Variants in GRM1 observed in about 807,000 individuals in gnomAD.
The protein encoded by GRM1 is glutamate metabotropic receptor 1.
A neutral mutation model predicts 90.9 loss-of-function variants in GRM1; 33 were observed. The ratio of observed to expected loss-of-function variants is 0.36; its 90% CI spans 0.28 to 0.49. GRM1 has a LOEUF of 0.49. GRM1 is among the 20% of genes least tolerant of loss of function. The probability of loss-of-function intolerance (pLI) is 0.99; values close to 1 mark genes in which losing one functional copy is unlikely to be tolerated. For synonymous variants in GRM1, 700 were observed against 613.2 expected (o/e 1.14, Z -2.09); for missense variants, 1,190 against 1,534.3 (o/e 0.78, Z 3.75).
intron 2 of GRM1, among the ~76,000 whole-genome samples, chr6:146,186,589 G>A (rs1403471394): frequency 6.6e-6 from 1 of 151,788 alleles, no homozygotes; most frequent in Non-Finnish European, 1.5e-5. Flanking sequence ...ACTTACTAAA[G>A]GTTAACAGTT....
In GRM1 at chr6:146,080,257, T is replaced by A. The variant is rs76279222; in HGVS notation, c.700+50040T>A. 4.0e-3 allele frequency among the ~76,000 whole-genome samples: 603 copies of A among 152,308 alleles called. 18 individuals carry two copies. In the East Asian group the frequency reaches 0.07, roughly 18 times the overall value. On this transcript the variant is annotated intron_variant, in intron 1 of 7. Transcript: ENST00000282753. ...GAATTGTGAATGTAAGAATTTTATG[T>A]ACACTAGCCTATGGGTTGCATAATA...
chr6:146,037,316 G>A (rs1276604145), intron 1 of GRM1, among the ~76,000 whole-genome samples: 1 of 151,892 alleles, frequency 6.6e-6, no homozygotes, highest in Non-Finnish European at 1.5e-5. Flanking sequence ...TAAGATAAAG[G>A]TGTAGCATCT....
At chr6:146,044,373 C>T (rs1389606656) in intron 1 of GRM1, among the ~76,000 whole-genome samples, 1 of 151,996 alleles carries the variant, frequency 6.6e-6, no homozygotes, top group Non-Finnish European at 1.5e-5. Flanking sequence ...TGTTCTCATG[C>T]ACTTCCCTGG....
At chr6:146,083,259 C>T (rs1257331161) in intron 1 of GRM1, among the ~76,000 whole-genome samples, 2 of 152,150 alleles carry the variant, frequency 1.3e-5, no homozygotes, top group Non-Finnish European at 2.9e-5. Context: ...GCCAGAACTT[C>T]CAATACTATG....
chr6:146,429,685 A>C (rs1215643084), intron 7 of GRM1, among the ~76,000 whole-genome samples: 1 of 151,998 alleles, frequency 6.6e-6, no homozygotes, highest in Non-Finnish European at 1.5e-5. Flanking sequence ...TAGCTGCGGG[A>C]GCCAGAGCAG....
chr6:146,227,109 C>A (rs955665661), intron 2 of GRM1, among the ~76,000 whole-genome samples: 1 of 151,956 alleles, frequency 6.6e-6, no homozygotes, highest in Non-Finnish European at 1.5e-5. Context: ...GCAATTATAT[C>A]AATTTTATAT....
At chr6:146,307,831 G>A (rs536003417) in intron 3 of GRM1, among the ~76,000 whole-genome samples, 1 of 152,234 alleles carries the variant, frequency 6.6e-6, no homozygotes, top group East Asian at 1.9e-4. Flanking sequence ...GAGTTTATGT[G>A]CACTAGATTG....
At chr6:146,207,121 C>T (rs1413432684) in intron 2 of GRM1, among the ~76,000 whole-genome samples, 1 of 152,126 alleles carries the variant, frequency 6.6e-6, no homozygotes, top group Non-Finnish European at 1.5e-5. Context: ...CATTCATGTG[C>T]ATGTGTCTTT....
At chr6:146,244,817 T>C (rs1160136764) in intron 2 of GRM1, among the ~76,000 whole-genome samples, 2 of 152,188 alleles carry the variant, frequency 1.3e-5, no homozygotes, top group Non-Finnish European at 2.9e-5. Context: ...TTACTCAGTT[T>C]GGGAAATAGA....
chr6:146,401,394 G>T (rs1384987650), intron 7 of GRM1, among the ~76,000 whole-genome samples: 2 of 151,960 alleles, frequency 1.3e-5, no homozygotes, highest in African/African-American at 4.8e-5. Context: ...TTATCAGGGA[G>T]CATGAAAGCA....
chr6:146,303,139 T>C (rs547497217), intron 2 of GRM1, among the ~76,000 whole-genome samples: 58 of 152,312 alleles, frequency 3.8e-4, no homozygotes, highest in African/African-American at 1.3e-3. Flanking sequence ...AGAGAAGAAC[T>C]GCACTGCTTA....
At chr6:146,043,786 T>C (rs1029808935) in intron 1 of GRM1, among the ~76,000 whole-genome samples, 1 of 116,016 alleles carries the variant, frequency 8.6e-6, no homozygotes, top group African/African-American at 4.4e-5. Context: ...TCAGGTGATA[T>C]ATATATATAT....
intron 1 of GRM1, among the ~76,000 whole-genome samples, chr6:146,105,908 A>G (rs1461981880): frequency 6.6e-6 from 1 of 152,124 alleles, no homozygotes; most frequent in Non-Finnish European, 1.5e-5. Context: ...TGGAAAGCCT[A>G]ACTAAAGCTT....
At chr6:146,394,304 G>C (rs1776849297) in intron 6 of GRM1, among the ~76,000 whole-genome samples, 1 of 152,142 alleles carries the variant, frequency 6.6e-6, no homozygotes, top group Admixed American at 6.5e-5. Flanking sequence ...GTATATCTAG[G>C]CTCAGATAAA....
chr6:146,181,677 C>T (rs749677073), intron 2 of GRM1, among the ~76,000 whole-genome samples: 2 of 152,070 alleles, frequency 1.3e-5, no homozygotes, highest in Non-Finnish European at 2.9e-5. Context: ...TATTATAGCT[C>T]AAGCTGTCAA....
chr6:146,287,038 A>G (rs995042937), intron 2 of GRM1, among the ~76,000 whole-genome samples: 1 of 152,188 alleles, frequency 6.6e-6, no homozygotes, highest in Non-Finnish European at 1.5e-5. Flanking sequence ...CAATCATTTG[A>G]CTCAGGGAGA....
intron 7 of GRM1, among the ~76,000 whole-genome samples, chr6:146,405,917 A>T (rs1420492400): frequency 6.6e-6 from 1 of 152,156 alleles, no homozygotes; most frequent in Non-Finnish European, 1.5e-5. Flanking sequence ...CCTTGGAATC[A>T]CCAAGGATGG....
chr6:146,259,973 T>A (rs1453526086), intron 2 of GRM1, among the ~76,000 whole-genome samples: 2 of 148,338 alleles, frequency 1.3e-5, no homozygotes, highest in Admixed American at 6.8e-5. Context: ...TATATATATA[T>A]TTATATATAT....
At chr6:146,095,131 A>G (rs1049224597) in intron 1 of GRM1, among the ~76,000 whole-genome samples, 5 of 152,094 alleles carry the variant, frequency 3.3e-5, no homozygotes, top group African/African-American at 9.7e-5. Flanking sequence ...ATAAAACTCA[A>G]TCTTGCCATT....
Sources: gnomAD v4.1 joint callset for allele counts (sites outside exome capture counted in the v4.1 genomes callset) on GRCh38, gnomAD v4.1.1 for gene constraint, MANE v1.5 for transcripts, NCBI Gene and HGNC (gene_info 2026-07-23, HGNC 2026-07-21) for gene names.